The following PRR5L variants were observed in gnomAD, a reference collection of about 807,000 sequenced individuals.
PRR5L encodes the protein proline-rich protein 5-like.
PRR5L carries 21 observed loss-of-function variants against 36.4 expected under a neutral mutation model. The ratio of observed to expected loss-of-function variants is 0.58; its 90% CI spans 0.41 to 0.83. The LOEUF is 0.83. Ranked by LOEUF, PRR5L falls within the 40% of genes least tolerant of loss-of-function variation. The pLI is 0.00. For synonymous variants in PRR5L, 188 were observed against 197.0 expected (o/e 0.95, Z 0.38); for missense variants, 381 against 473.3 (o/e 0.80, Z 1.81).
intron 3 of PRR5L, among the ~76,000 whole-genome samples, chr11:36,416,969 C>T (rs1339324850): frequency 6.6e-6 from 1 of 152,210 alleles, no homozygotes; most frequent in African/African-American, 2.4e-5. Context: ...TAGATCCCTC[C>T]TCCGTGCTGC....
chr11:36,412,748 C>G (rs1858052299), intron 3 of PRR5L, among the ~76,000 whole-genome samples: 1 of 152,134 alleles, frequency 6.6e-6, no homozygotes, highest in African/African-American at 2.4e-5. Flanking sequence ...TTTTTACTGT[C>G]ATCTTTTGGG....
At position 36,351,441 on chromosome 11, in the gene PRR5L, A is replaced by ATATATATTTATATATT. The variant is rs1359892606; in HGVS notation, c.-125-49540_-125-49525dup. ...TATATATTTATATATTTATATATAC[A>ATATATATTTATATATT]TATATATTTATATATTTATATATTT... On this transcript the variant is annotated intron_variant, in intron 1 of 8. Transcript: ENST00000530639. Among the ~76,000 whole-genome samples the ATATATATTTATATATT allele has an allele frequency of 4.4e-5, 2 of 45,578 alleles. 1 individual carries two copies. The highest frequency in any genetic ancestry group is 1.9e-4 in the African/African-American group (2 of 10,692). 29.9% of individuals were successfully genotyped at this position (45,578 alleles called of 152,430 possible). A position where few individuals can be genotyped will look rare whatever the true frequency, so the allele number is the denominator to read the frequency against.
At chr11:36,312,741 C>T (rs937054456) in intron 1 of PRR5L, among the ~76,000 whole-genome samples, 4 of 152,252 alleles carry the variant, frequency 2.6e-5, no homozygotes, top group Admixed American at 1.3e-4. Flanking sequence ...TAACATACAG[C>T]GTGCACAGCA....
rs1225856808 is a variant in PRR5L at position 36,462,946 on chromosome 11, TGTAGTGACCA to T, written c.*213_*222del. The T allele has an allele frequency of 2.1e-6, 1 of 465,808 alleles. No homozygotes were observed. The highest frequency in any genetic ancestry group is 2.0e-5 in the African/African-American group (1 of 50,322). 28.9% of individuals were successfully genotyped at this position (465,808 alleles called of 1,614,324 possible). On this transcript the variant is annotated 3_prime_UTR_variant, in exon 9 of 9. Transcript: ENST00000530639. ...TGACCACTTCTTTGTAGCCACCAAT[TGTAGTGACCA>T]GTTGCCTAATGGTCACTTTCTGACT...
chr11:36,404,723 T>C lies in PRR5L; in HGVS notation c.245+1345T>C, dbSNP rs141278353. ...TTAGTTAAGGCCTGCATTAAGGTCA[T>C]TGAGGTGTTTTAAGAGCTCTACTTT... On this transcript the variant is annotated intron_variant, in intron 3 of 8. Transcript: ENST00000530639. Among the ~76,000 whole-genome samples the C allele has an allele frequency of 4.1e-3, 631 of 152,314 alleles. 6 individuals carry two copies. The highest frequency in any genetic ancestry group is 0.014 in the African/African-American group (601 of 41,554).
intron 1 of PRR5L, among the ~76,000 whole-genome samples, chr11:36,309,407 T>C (rs1039386676): frequency 3.3e-5 from 5 of 152,250 alleles, no homozygotes; most frequent in Non-Finnish European, 5.9e-5. Flanking sequence ...GCTTCAGGCA[T>C]GTCATTTAAT....
At chr11:36,390,986 G>A (rs1407744357) in intron 1 of PRR5L, among the ~76,000 whole-genome samples, 2 of 151,098 alleles carry the variant, frequency 1.3e-5, no homozygotes, top group Non-Finnish European at 2.9e-5. Flanking sequence ...TGTGTTCATG[G>A]TCCAGGGAAG....
At chr11:36,444,639 G>A (rs1858790611) in intron 6 of PRR5L, among the ~76,000 whole-genome samples, 1 of 152,170 alleles carries the variant, frequency 6.6e-6, no homozygotes, top group African/African-American at 2.4e-5. Context: ...AGTTGTTGGA[G>A]CAGGAGGTCC....
intron 3 of PRR5L, among the ~76,000 whole-genome samples, chr11:36,411,564 A>C (rs1425936023): frequency 6.6e-6 from 1 of 152,102 alleles, no homozygotes; most frequent in Non-Finnish European, 1.5e-5. Context: ...CATTACCCTC[A>C]GCTCCCGGCT....
chr11:36,422,865 C>T (rs138303877), intron 4 of PRR5L, among the ~76,000 whole-genome samples: 55 of 152,080 alleles, frequency 3.6e-4, no homozygotes, highest in African/African-American at 8.4e-4. Flanking sequence ...TTGGGGTTTC[C>T]GAGAGAAACA....
chr11:36,450,959 C>G (rs1248294352), intron 7 of PRR5L, among the ~76,000 whole-genome samples: 1 of 152,230 alleles, frequency 6.6e-6, no homozygotes, highest in South Asian at 2.1e-4. Flanking sequence ...GTGGGACACC[C>G]ACACTGCATT....
intron 1 of PRR5L, among the ~76,000 whole-genome samples, chr11:36,399,646 C>A (rs2133555516): frequency 6.6e-6 from 1 of 152,330 alleles, no homozygotes; most frequent in East Asian, 1.9e-4. Context: ...AGAGAGATGG[C>A]AGTGAAAACA....
chr11:36,341,754 A>G (rs554213456), intron 1 of PRR5L, among the ~76,000 whole-genome samples: 16 of 152,352 alleles, frequency 1.1e-4, no homozygotes, highest in South Asian at 4.1e-4. Flanking sequence ...TCCTCACAAG[A>G]CAAGAGCTTG....
At chr11:36,457,945 G>A (rs1279050966) in intron 8 of PRR5L, among the ~76,000 whole-genome samples, 1 of 152,182 alleles carries the variant, frequency 6.6e-6, no homozygotes, top group Non-Finnish European at 1.5e-5. Flanking sequence ...GATCCTTGCT[G>A]CTCTGAACTC....
At chr11:36,384,020 A>T (rs1278830693) in intron 1 of PRR5L, among the ~76,000 whole-genome samples, 1 of 152,156 alleles carries the variant, frequency 6.6e-6, no homozygotes, top group East Asian at 1.9e-4. Context: ...TGTAGGAGCC[A>T]TATCTGGCTC....
intron 1 of PRR5L, among the ~76,000 whole-genome samples, chr11:36,389,505 A>G (rs1377149920): frequency 1.3e-5 from 2 of 152,170 alleles, no homozygotes; most frequent in East Asian, 1.9e-4. Context: ...TTCAGAGCCT[A>G]TGAGGAACAT....
intron 1 of PRR5L, among the ~76,000 whole-genome samples, chr11:36,365,949 A>C (rs1292411357): frequency 6.6e-6 from 1 of 152,136 alleles, no homozygotes; most frequent in Non-Finnish European, 1.5e-5. Flanking sequence ...CTGCTAGGGG[A>C]CAGGGCATCT....
At chr11:36,324,883 C>T (rs1355154702) in intron 1 of PRR5L, among the ~76,000 whole-genome samples, 3 of 152,062 alleles carry the variant, frequency 2.0e-5, no homozygotes, top group East Asian at 3.8e-4. Flanking sequence ...TAGTGAAAGT[C>T]TGACTGTAGG....
intron 1 of PRR5L, among the ~76,000 whole-genome samples, chr11:36,360,599 A>G (rs895831969): frequency 6.6e-6 from 1 of 152,264 alleles, no homozygotes; most frequent in Non-Finnish European, 1.5e-5. Flanking sequence ...GCAAGCCATC[A>G]GCTCAAGGCG....
Sources: gnomAD v4.1 joint callset for allele counts (sites outside exome capture counted in the v4.1 genomes callset) on GRCh38, gnomAD v4.1.1 for gene constraint, MANE v1.5 for transcripts, NCBI Gene and HGNC (gene_info 2026-07-23, HGNC 2026-07-21) for gene names.